COL11A1: variants seen among roughly 807,000 people sequenced by gnomAD.
COL11A1 encodes the protein collagen alpha-1(XI) chain.
In COL11A1, 74 loss-of-function variants were observed where a neutral mutation model predicts 265.2. That is an observed-to-expected ratio of 0.28 (90% CI 0.23 to 0.34). The LOEUF (loss-of-function observed/expected upper bound fraction) is 0.34, where lower values mean the gene tolerates loss of function less well. Ranked by LOEUF, COL11A1 falls within the 10% of genes least tolerant of loss-of-function variation. The probability of loss-of-function intolerance (pLI) is 1.00; values close to 1 mark genes in which losing one functional copy is unlikely to be tolerated. For synonymous variants in COL11A1, 816 were observed against 727.6 expected (o/e 1.12, Z -1.96); for missense variants, 2,165 against 2,263.6 (o/e 0.96, Z 0.88).
Position 102,878,003 on chromosome 1 carries a change from GTTCT to G in COL11A1, c.*12_*15del. The G allele has an allele frequency of 6.2e-7, 1 of 1,612,800 alleles. No individual in the cohort carries two copies. ...GGTATATTTTCTGTTGATTTGATAT[GTTCT>G]TTGTCTTAATCTTAGCCAAGAAAAC... On this transcript the variant is annotated 3_prime_UTR_variant, in exon 67 of 67. Coordinates refer to ENST00000370096, the MANE Select transcript of COL11A1 (RefSeq NM_001854.4).
intron 1 of COL11A1, among the ~76,000 whole-genome samples, chr1:103,090,016 C>G (rs1034616278): frequency 1.3e-5 from 2 of 151,970 alleles, no homozygotes; most frequent in Non-Finnish European, 2.9e-5. Flanking sequence ...CCCAGCTACT[C>G]CAAAGGCTGA....
chr1:102,955,700 T>C (rs1660306310), intron 41 of COL11A1, among the ~76,000 whole-genome samples: 1 of 152,220 alleles, frequency 6.6e-6, no homozygotes, highest in African/African-American at 2.4e-5. Flanking sequence ...GATTTTGTTT[T>C]ATAAAAATAT....
At chr1:102,891,046 T>G (rs929384218) in intron 57 of COL11A1, among the ~76,000 whole-genome samples, 5 of 152,076 alleles carry the variant, frequency 3.3e-5, no homozygotes, top group Non-Finnish European at 5.9e-5. Context: ...TTCTATAGAA[T>G]AAGAAGATAA....
chr1:103,104,409 T>C (rs1374841973), intron 1 of COL11A1, among the ~76,000 whole-genome samples: 1 of 152,148 alleles, frequency 6.6e-6, no homozygotes, highest in Non-Finnish European at 1.5e-5. Context: ...TGTGGTTCTA[T>C]TTTAGTCACA....
In COL11A1 at chr1:102,975,027, G is replaced by A. The variant is rs555971586; in HGVS notation, c.2755-144C>T. On this transcript the variant is annotated intron_variant, in intron 35 of 66. Coordinates refer to ENST00000370096, the MANE Select transcript of COL11A1 (RefSeq NM_001854.4). The stretch of plus-strand genomic sequence containing the variant: ...TGACAGAACTATGGTAATACAACAC[G>A]ATAGTAAGTGCTAATCTAAAAGTAA... 2.2e-4 allele frequency: 153 copies of A among 681,828 alleles called. 1 individual carries two copies. The highest frequency in any genetic ancestry group is 2.1e-3 in the African/African-American group (117 of 55,754). 42.2% of individuals were successfully genotyped at this position (681,828 alleles called of 1,614,324 possible). A position where few individuals can be genotyped will look rare whatever the true frequency, so the allele number is the denominator to read the frequency against.
chr1:102,970,328 C>T, intron 36 of COL11A1, 56 bp from the exon 37 acceptor site: 1 of 1,351,430 alleles, frequency 7.4e-7, no homozygotes, highest in South Asian at 1.3e-5. Context: ...ATTTTATAGT[C>T]TAAATGTGAC....
At chr1:103,064,341 C>T (rs910887900) in intron 4 of COL11A1, among the ~76,000 whole-genome samples, 5 of 151,898 alleles carry the variant, frequency 3.3e-5, no homozygotes, top group Non-Finnish European at 4.4e-5. Flanking sequence ...GTACCACATC[C>T]GGCTAGTAGA....
chr1:103,091,904 C>A (rs908986347), intron 1 of COL11A1, among the ~76,000 whole-genome samples: 1 of 152,056 alleles, frequency 6.6e-6, no homozygotes, highest in Admixed American at 6.6e-5. Flanking sequence ...GAGTTAATTT[C>A]ATCAAACCAA....
In COL11A1 at chr1:103,066,345, T is replaced by C. The variant is rs537799872; in HGVS notation, c.651+8273A>G. Among the ~76,000 whole-genome samples, 257 of 152,082 alleles carry C rather than the reference T, an allele frequency of 1.7e-3. 1 individual carries two copies. Among genetic ancestry groups the C allele is most frequent in the Non-Finnish European group, 2.1e-3 (141 of 67,918 alleles). On this transcript the variant is annotated intron_variant, in intron 4 of 66. Transcript: ENST00000370096. ...ATACAGGTCTAATAAGTATGACAACTGTACCACAAAGATCAGTATGACAAG... is the reference window on the plus strand; with the variant it reads ...ATACAGGTCTAATAAGTATGACAACCGTACCACAAAGATCAGTATGACAAG...
chr1:102,989,371 C>A (rs921627608), intron 29 of COL11A1, 147 bp downstream of exon 29: 7 of 437,680 alleles, frequency 1.6e-5, no homozygotes, highest in South Asian at 5.6e-5. Flanking sequence ...ATCCTTAAAT[C>A]TTTGTATAAA....
At chr1:103,044,756 G>A (rs1013945794) in intron 4 of COL11A1, among the ~76,000 whole-genome samples, 7 of 151,920 alleles carry the variant, frequency 4.6e-5, no homozygotes, top group Non-Finnish European at 1.0e-4. Context: ...TACATGTCAG[G>A]TACTATTTTA....
At chr1:102,977,110 C>T (rs571803184) in intron 35 of COL11A1, among the ~76,000 whole-genome samples, 1 of 152,192 alleles carries the variant, frequency 6.6e-6, no homozygotes, top group South Asian at 2.1e-4. Context: ...TCCAATGGTA[C>T]TACAGAACTA....
chr1:103,085,155 G>A (rs1307233945), intron 1 of COL11A1, among the ~76,000 whole-genome samples: 2 of 152,176 alleles, frequency 1.3e-5, no homozygotes, highest in Non-Finnish European at 2.9e-5. Flanking sequence ...AGCTCTGAGT[G>A]CTTTTGTACT....
chr1:102,976,288 G>GTTT (rs1557893410), intron 35 of COL11A1, among the ~76,000 whole-genome samples: 1 of 45,242 alleles, frequency 2.2e-5, no homozygotes, highest in Non-Finnish European at 5.8e-5. Flanking sequence ...GAAAACGTTG[G>GTTT]CTTTTTTTTT....
At chr1:102,898,445 A>G (rs976330628) in intron 56 of COL11A1, among the ~76,000 whole-genome samples, 6 of 151,992 alleles carry the variant, frequency 3.9e-5, no homozygotes, top group Non-Finnish European at 5.9e-5. Context: ...TTGGTTTTCT[A>G]TTTTCTCTTT....
chr1:103,008,543 A>C (rs1343186051), intron 14 of COL11A1, 27 bp from the exon 15 acceptor site: 1 of 1,606,534 alleles, frequency 6.2e-7, no homozygotes, highest in Admixed American at 1.7e-5. Flanking sequence ...AAGATATTTC[A>C]CTTAATTTAG....
rs2101678667 is a variant in COL11A1, at chr1:102,978,694, T to A, written c.2754+14A>T. ...TAATTTTCATTTTATATTATGTGGC[T>A]GTATCATACGTACTCTTTCACCTGG... On this transcript the variant is annotated intron_variant, in intron 35 of 66. Transcript: ENST00000370096. The A allele has an allele frequency of 5.6e-6, 9 of 1,613,156 alleles. No homozygotes were observed. Among genetic ancestry groups the A allele is most frequent in the Non-Finnish European group, 7.6e-6 (9 of 1,179,064 alleles).
chr1:103,043,403 A>G (rs1668992594), intron 4 of COL11A1, among the ~76,000 whole-genome samples: 1 of 152,018 alleles, frequency 6.6e-6, no homozygotes, highest in African/African-American at 2.4e-5. Flanking sequence ...TTACTTAACC[A>G]GTCAATCTAT....
In COL11A1 at chr1:102,923,334, A is replaced by C; in HGVS notation, c.3654+2T>G. ...CATCAAACACCAAAAATAAAAACTT[A>C]CCATGGGACCAACATCCCCATTTTC... On this transcript the variant is annotated splice_donor_variant, in intron 47 of 66. Transcript: ENST00000370096. LOFTEE classifies it high-confidence loss of function. 1 of 1,606,278 alleles carries C rather than the reference A, an allele frequency of 6.2e-7. No individual in the cohort carries two copies. Among genetic ancestry groups the C allele is most frequent in the East Asian group, 2.2e-5 (1 of 44,514 alleles).
Sources: gnomAD v4.1 joint callset for allele counts (sites outside exome capture counted in the v4.1 genomes callset) on GRCh38, gnomAD v4.1.1 for gene constraint, MANE v1.5 for transcripts, NCBI Gene and HGNC (gene_info 2026-07-23, HGNC 2026-07-21) for gene names.